Variants in AASS observed in about 807,000 individuals in gnomAD.
AASS encodes the protein aminoadipate-semialdehyde synthase.
A neutral mutation model predicts 105.4 loss-of-function variants in AASS; 86 were observed. The ratio of observed to expected loss-of-function variants is 0.82; its 90% CI spans 0.69 to 0.98. The LOEUF (loss-of-function observed/expected upper bound fraction) is 0.98. Ranked by LOEUF, AASS falls within the 50% of genes least tolerant of loss-of-function variation. The pLI is 0.00. For synonymous variants in AASS, 381 were observed against 394.8 expected (o/e 0.96, Z 0.41); for missense variants, 1,048 against 1,143.2 (o/e 0.92, Z 1.20).
At chr7:122,101,900 C>A (rs1193813952) in intron 11 of AASS, among the ~76,000 whole-genome samples, 7 of 151,920 alleles carry the variant, frequency 4.6e-5, no homozygotes, top group Non-Finnish European at 1.0e-4. Context: ...AATTTTAAAA[C>A]TAAAATTGGA....
intron 4 of AASS, among the ~76,000 whole-genome samples, chr7:122,121,350 A>G (rs569413436): frequency 4.2e-4 from 64 of 152,342 alleles, no homozygotes; most frequent in African/African-American, 1.4e-3. Context: ...TGTTATGAAT[A>G]TCACAATACA....
At chr7:122,082,519 ATAAT>A (rs1167573455) in intron 19 of AASS, among the ~76,000 whole-genome samples, 3 of 152,202 alleles carry the variant, frequency 2.0e-5, no homozygotes, top group Non-Finnish European at 4.4e-5. Context: ...AATGCAGCTC[ATAAT>A]TAATTGTCTA....
At chr7:122,077,709 G>T in intron 23 of AASS, 129 bp downstream of exon 23, 1 of 1,214,534 alleles carries the variant, frequency 8.2e-7, no homozygotes, top group South Asian at 1.2e-5. Flanking sequence ...TCCGCGCTTG[G>T]ATCTTCTAAG....
At position 122,108,506 on chromosome 7, in the gene AASS, G is replaced by A. The variant is rs1266431284; in HGVS notation, c.1278+4612C>T. On this transcript the variant is annotated intron_variant, in intron 11 of 23. Coordinates refer to ENST00000417368, the MANE Select transcript of AASS (RefSeq NM_005763.4). ...AATGGGATTCATTCCAGGGGTGCAA[G>A]AATGGTTCAACATATGCAAATTAAT... Among the ~76,000 whole-genome samples the A allele has an allele frequency of 2.0e-5, 3 of 152,094 alleles. No homozygotes were observed. The East Asian group carries it at 5.8e-4, about 29-fold the overall frequency.
At chr7:122,103,363 G>A (rs768271886) in intron 11 of AASS, among the ~76,000 whole-genome samples, 2 of 151,982 alleles carry the variant, frequency 1.3e-5, no homozygotes, top group Non-Finnish European at 2.9e-5. Context: ...ACACAGCAAA[G>A]CTGTCCTTCA....
intron 1 of AASS, among the ~76,000 whole-genome samples, chr7:122,140,092 C>T (rs28613215): frequency 3.3e-5 from 5 of 152,142 alleles, no homozygotes; most frequent in African/African-American, 1.2e-4. Flanking sequence ...CTTTAAGTCT[C>T]TTCAACCCTT....
chr7:122,090,087 G>A (rs1793822016), intron 18 of AASS, among the ~76,000 whole-genome samples: 1 of 152,148 alleles, frequency 6.6e-6, no homozygotes, highest in African/African-American at 2.4e-5. Flanking sequence ...GAACATCAGT[G>A]CTCACATTAC....
At chr7:122,128,567 CATTG>C (rs1795763432) in intron 3 of AASS, among the ~76,000 whole-genome samples, 1 of 152,096 alleles carries the variant, frequency 6.6e-6, no homozygotes. Flanking sequence ...ATGTCTTATT[CATTG>C]ATTATCTGTC....
intron 15 of AASS, among the ~76,000 whole-genome samples, chr7:122,096,102 A>G (rs1794142422): frequency 6.6e-6 from 1 of 152,138 alleles, no homozygotes; most frequent in Admixed American, 6.5e-5. Flanking sequence ...CAACCCAATT[A>G]CTCCAAAAGG....
At chr7:122,122,224 T>C (rs1198566622) in intron 4 of AASS, among the ~76,000 whole-genome samples, 1 of 152,184 alleles carries the variant, frequency 6.6e-6, no homozygotes, top group Non-Finnish European at 1.5e-5. Flanking sequence ...TATCAAGATA[T>C]GGGAATGTTC....
rs1793100071 is a variant in AASS, at chr7:122,077,877, C to A, written c.2623G>T (p.Gly875Trp). Residue 875 changes from glycine to tryptophan, a missense_variant, in exon 23 of 24, where the codon GGG becomes TGG. Physicochemically the swap from Gly to Trp is radical, Grantham distance 184. Coordinates refer to ENST00000417368, the MANE Select transcript of AASS (RefSeq NM_005763.4). ...TTGGCTGCCATGGCGGTGGGTAACC[C>A]CACGGTTTTAGCCATGGCTGAAAAG... is the stretch of plus-strand genomic sequence containing the variant. ...NGFSAMAKTV[G>W]LPTAMAAKML... 6.2e-7 allele frequency: 1 copy of A among 1,614,036 alleles called. No homozygotes were observed. The highest frequency in any genetic ancestry group is 1.7e-5 in the Admixed American group (1 of 60,008).
chr7:122,092,588 G>A (rs1319433966), intron 17 of AASS, among the ~76,000 whole-genome samples: 1 of 152,098 alleles, frequency 6.6e-6, no homozygotes, highest in East Asian at 1.9e-4. Context: ...GCCGGGCATG[G>A]TGGTGCGTGC....
At chr7:122,133,196 T>G (rs1412470619) in intron 2 of AASS, among the ~76,000 whole-genome samples, 1 of 152,112 alleles carries the variant, frequency 6.6e-6, no homozygotes, top group African/African-American at 2.4e-5. Flanking sequence ...AGTGGAATGA[T>G]GAACATGACA....
At chr7:122,135,717 T>C (rs1303309573) in intron 1 of AASS, among the ~76,000 whole-genome samples, 1 of 152,192 alleles carries the variant, frequency 6.6e-6, no homozygotes, top group Non-Finnish European at 1.5e-5. Flanking sequence ...GAGAGAATGA[T>C]TGAAAGATAT....
At chr7:122,137,743 G>A (rs946266624) in intron 1 of AASS, among the ~76,000 whole-genome samples, 1 of 152,140 alleles carries the variant, frequency 6.6e-6, no homozygotes, top group South Asian at 2.1e-4. Flanking sequence ...AAATGCCAAC[G>A]GAGGCTGCTT....
chr7:122,101,449 A>G lies in AASS; in HGVS notation c.1339-11T>C. On this transcript the variant is annotated splice_polypyrimidine_tract_variant and intron_variant, in intron 12 of 23. Coordinates refer to ENST00000417368, the MANE Select transcript of AASS (RefSeq NM_005763.4). ...GGATGTAATCACTGCCTAAATGTAT[A>G]TGACACAAGACATTTCTTTAGTATC... 6.3e-7 allele frequency: 1 copy of G among 1,598,072 alleles called. No individual in the cohort carries two copies. The highest frequency in any genetic ancestry group is 8.6e-7 in the Non-Finnish European group (1 of 1,166,032).
chr7:122,079,592 C>T lies in AASS; in HGVS notation c.2396+5G>A. 2 of 1,591,684 alleles carry T rather than the reference C, an allele frequency of 1.3e-6. No homozygotes were observed. Among genetic ancestry groups the T allele is most frequent in the East Asian group, 2.2e-5 (1 of 44,726 alleles). On this transcript the variant is annotated splice_donor_5th_base_variant and intron_variant, in intron 21 of 23. Transcript: ENST00000417368. ...TTTGCTCTAAGTTGAGTGGTGGGTG[C>T]CTACCATTCAGCAGCCTCCAACTGG...
At chr7:122,115,639 C>A (rs1795129554) in intron 8 of AASS, among the ~76,000 whole-genome samples, 1 of 152,088 alleles carries the variant, frequency 6.6e-6, no homozygotes, top group Admixed American at 6.5e-5. Flanking sequence ...ATAATACGCA[C>A]CCCATTCCTC....
At position 122,118,663 on chromosome 7, in the gene AASS, T is replaced by C. The variant is rs568107140; in HGVS notation, c.473-33A>G. 1.9e-6 allele frequency: 3 copies of C among 1,604,578 alleles called. No individual in the cohort carries two copies. In the East Asian group the frequency reaches 6.7e-5, roughly 36 times the overall value. ...AGAATCAGACCAATAGAAAGACTAT[T>C]AGTTGGGAAGAATTTAAGCTGTTCT... is the stretch of plus-strand genomic sequence containing the variant. On this transcript the variant is annotated intron_variant, in intron 4 of 23. Coordinates refer to ENST00000417368, the MANE Select transcript of AASS (RefSeq NM_005763.4).
Sources: gnomAD v4.1 joint callset for allele counts (sites outside exome capture counted in the v4.1 genomes callset) on GRCh38, gnomAD v4.1.1 for gene constraint, MANE v1.5 for transcripts, NCBI Gene and HGNC (gene_info 2026-07-23, HGNC 2026-07-21) for gene names.